The following CATSPERE variants were observed in gnomAD, a reference collection of about 807,000 sequenced individuals.
CATSPERE encodes cation channel sperm-associated auxiliary subunit epsilon.
A neutral mutation model predicts 114.1 loss-of-function variants in CATSPERE; 93 were observed. The ratio of observed to expected loss-of-function variants is 0.81; its 90% CI spans 0.69 to 0.97. The LOEUF (loss-of-function observed/expected upper bound fraction) is 0.97, where lower values mean the gene tolerates loss of function less well. CATSPERE is among the 50% of genes least tolerant of loss of function. The probability of loss-of-function intolerance (pLI) is 0.00; values close to 1 mark genes in which losing one functional copy is unlikely to be tolerated. For missense variants in CATSPERE, 1,058 were observed against 1,131.6 expected (o/e 0.93, Z 0.93); for synonymous variants, 341 against 384.1 (o/e 0.89, Z 1.31).
intron 6 of CATSPERE, among the ~76,000 whole-genome samples, chr1:244,491,406 G>A (rs1198799502): frequency 1.3e-5 from 2 of 151,734 alleles, no homozygotes; most frequent in Non-Finnish European, 1.5e-5. Flanking sequence ...CGAGAACAAA[G>A]ACACAACATA....
At chr1:244,526,535 A>G (rs1050688178) in intron 8 of CATSPERE, among the ~76,000 whole-genome samples, 1 of 152,174 alleles carries the variant, frequency 6.6e-6, no homozygotes, top group African/African-American at 2.4e-5. Context: ...TGGCTTTTCC[A>G]GCCTATACAA....
At chr1:244,615,621 C>G (rs1671279949) in intron 19 of CATSPERE, among the ~76,000 whole-genome samples, 1 of 151,966 alleles carries the variant, frequency 6.6e-6, no homozygotes, top group Non-Finnish European at 1.5e-5. Flanking sequence ...TTCAGCTCCA[C>G]TGTAATCTTA....
chr1:244,541,857 G>A (rs1658811756), intron 8 of CATSPERE, among the ~76,000 whole-genome samples: 1 of 141,206 alleles, frequency 7.1e-6, no homozygotes, highest in Non-Finnish European at 1.5e-5. Context: ...GTCCTTTGTA[G>A]GGACATGGAT....
In CATSPERE at chr1:244,461,368, G is replaced by A. The variant is rs768872296; in HGVS notation, c.-62G>A. 6.2e-6 allele frequency: 8 copies of A among 1,280,878 alleles called. No homozygotes were observed. The South Asian group carries it at 1.3e-4, about 20-fold the overall frequency. 79.3% of individuals were successfully genotyped at this position (1,280,878 alleles called of 1,614,324 possible). A position where few individuals can be genotyped will look rare whatever the true frequency, so the allele number is the denominator to read the frequency against. On this transcript the variant is annotated 5_prime_UTR_variant, in exon 1 of 22. Coordinates refer to ENST00000366534, the MANE Select transcript of CATSPERE (RefSeq NM_001130957.2). ...GCCGCCCGCCGGGCCGACGTCCCAC[G>A]GGAATGCGCGAGGCCTGGACGGGAG...
At position 244,513,132 on chromosome 1, in the gene CATSPERE, G is replaced by C. The variant is rs57527490; in HGVS notation, c.430-5460G>C. 2.6e-3 allele frequency among the ~76,000 whole-genome samples: 397 copies of C among 152,218 alleles called. 2 individuals carry two copies. The highest frequency in any genetic ancestry group is 9.1e-3 in the African/African-American group (377 of 41,530). ...GGGTGTCAGGTCCGCAGGCCCCTTG[G>C]CAGCATTCATTGCATAAGCAGTGGC... On this transcript the variant is annotated intron_variant, in intron 7 of 21. Transcript: ENST00000366534.
At chr1:244,582,238 C>G (rs1366259901) in intron 12 of CATSPERE, among the ~76,000 whole-genome samples, 1 of 152,166 alleles carries the variant, frequency 6.6e-6, no homozygotes, top group Non-Finnish European at 1.5e-5. Context: ...AGATAAAATG[C>G]TGTCTTTGAC....
At chr1:244,579,860 ATTT>A (rs911910092) in intron 11 of CATSPERE, among the ~76,000 whole-genome samples, 1 of 151,996 alleles carries the variant, frequency 6.6e-6, no homozygotes, top group Non-Finnish European at 1.5e-5. Context: ...TTTTATTCTA[ATTT>A]TTTTTCTTCT....
rs552119996 is a variant in CATSPERE at position 244,633,643 on chromosome 1, C to T, written c.2649-1846C>T. 1.1e-4 allele frequency among the ~76,000 whole-genome samples: 16 copies of T among 152,222 alleles called. No individual in the cohort carries two copies. The highest frequency in any genetic ancestry group is 3.9e-4 in the East Asian group (2 of 5,184). ...GCACACGCATGCACACACACACACA[C>T]GCACACAAAACCCCCACTACTTTCC... On this transcript the variant is annotated intron_variant, in intron 20 of 21. Coordinates refer to ENST00000366534, the MANE Select transcript of CATSPERE (RefSeq NM_001130957.2). This position sits in a 1 kb window ranked among gnomAD's most constrained non-coding sequence, Gnocchi z 4.1.
At chr1:244,459,297 T>C (rs1666441713), upstream of CATSPERE, among the ~76,000 whole-genome samples, 1 of 152,158 alleles carries the variant, frequency 6.6e-6, no homozygotes, top group South Asian at 2.1e-4. Flanking sequence ...CAGGACAGGC[T>C]TGATCTCCTG....
At position 244,504,994 on chromosome 1, in the gene CATSPERE, A is replaced by G. The variant is rs1365153448; in HGVS notation, c.429+5915A>G. Among the ~76,000 whole-genome samples the G allele has an allele frequency of 6.6e-6, 1 of 152,176 alleles. No homozygotes were observed. The highest frequency in any genetic ancestry group is 2.4e-5 in the African/African-American group (1 of 41,444). ...TGTCTTATCCCTGATTTATTTATTTACTTATTCAATCATTTATTTATATCA... is the reference window on the plus strand; with the variant it reads ...TGTCTTATCCCTGATTTATTTATTTGCTTATTCAATCATTTATTTATATCA... On this transcript the variant is annotated intron_variant, in intron 7 of 21. Coordinates refer to ENST00000366534, the MANE Select transcript of CATSPERE (RefSeq NM_001130957.2). The surrounding 1 kb of genome is among the most constrained non-coding windows in gnomAD (Gnocchi z 4.1).
intron 13 of CATSPERE, 59 bp downstream of exon 13, chr1:244,583,998 C>T: frequency 1.5e-6 from 2 of 1,359,790 alleles, no homozygotes; most frequent in Non-Finnish European, 1.0e-6. Flanking sequence ...AGGCGGTCAA[C>T]CAAATAATGC....
intron 20 of CATSPERE, among the ~76,000 whole-genome samples, chr1:244,630,191 A>G (rs1313283596): frequency 1.3e-5 from 2 of 152,168 alleles, no homozygotes; most frequent in Non-Finnish European, 2.9e-5. Context: ...GGCCACAGAG[A>G]ATGTAGTGAA....
intron 17 of CATSPERE, among the ~76,000 whole-genome samples, chr1:244,604,322 A>G (rs1446961286): frequency 1.3e-5 from 2 of 152,228 alleles, no homozygotes; most frequent in African/African-American, 4.8e-5. Flanking sequence ...TCAAAACTAA[A>G]TAGGATGGAA....
chr1:244,451,537 C>A, upstream of CATSPERE: 1 of 1,323,082 alleles, frequency 7.6e-7, no homozygotes, highest in Non-Finnish European at 1.0e-6. The surrounding 1 kb of genome is among the most constrained non-coding windows in gnomAD (Gnocchi z 6.6). Flanking sequence ...TCATTTTGGC[C>A]AGTGGATCCG....
chr1:244,524,817 A>G (rs1465195551), intron 8 of CATSPERE, among the ~76,000 whole-genome samples: 2 of 146,248 alleles, frequency 1.4e-5, no homozygotes, highest in East Asian at 1.9e-4. Flanking sequence ...TAGAATGCCA[A>G]TCATTAAAAA....
At chr1:244,545,594 G>T (rs1659624696) in intron 8 of CATSPERE, among the ~76,000 whole-genome samples, 1 of 152,126 alleles carries the variant, frequency 6.6e-6, no homozygotes, top group South Asian at 2.1e-4. Flanking sequence ...ATCATCCTTG[G>T]ATAACTATTC....
At chr1:244,582,956 T>C (rs1222613913) in intron 12 of CATSPERE, among the ~76,000 whole-genome samples, 1 of 2,072 alleles carries the variant, frequency 4.8e-4, no homozygotes, top group African/African-American at 1.1e-3. Context: ...TATATATATA[T>C]ATATATATAT....
At chr1:244,497,940 G>A (rs1214567390) in intron 6 of CATSPERE, among the ~76,000 whole-genome samples, 1 of 152,100 alleles carries the variant, frequency 6.6e-6, no homozygotes, top group Non-Finnish European at 1.5e-5. Context: ...ACCACTGAGA[G>A]GGCATATTGG....
intron 8 of CATSPERE, among the ~76,000 whole-genome samples, chr1:244,550,447 T>C (rs10429925): frequency 6.6e-6 from 1 of 152,104 alleles, no homozygotes; most frequent in Admixed American, 6.5e-5. Flanking sequence ...ATAAGGAAAA[T>C]TGAAAAAGAG....
Sources: gnomAD v4.1 joint callset for allele counts (sites outside exome capture counted in the v4.1 genomes callset) on GRCh38, gnomAD v4.1.1 for gene constraint, Gnocchi (gnomAD v3.1) non-coding constraint, MANE v1.5 for transcripts, NCBI Gene and HGNC (gene_info 2026-07-23, HGNC 2026-07-21) for gene names.